The following ACOX3 variants were observed in gnomAD, a reference collection of about 807,000 sequenced individuals.
ACOX3 encodes the protein acyl-CoA oxidase 3, pristanoyl, also known as peroxisomal acyl-coenzyme A oxidase 3.
In ACOX3, 73 loss-of-function variants were observed where a neutral mutation model predicts 81.5. That is an observed-to-expected ratio of 0.90 (90% confidence interval 0.74 to 1.09). The LOEUF (loss-of-function observed/expected upper bound fraction) is 1.09. ACOX3 is among the 50% of genes least tolerant of loss of function. ACOX3 has a pLI of 0.00. For missense variants in ACOX3, 947 were observed against 928.0 expected (o/e 1.02, Z -0.27); for synonymous variants, 387 against 375.1 (o/e 1.03, Z -0.37).
rs188643823 is a variant in ACOX3 at position 8,385,153 on chromosome 4, C to T, written c.1538-3546G>A. ...ATTAAAGCCTAGCTCAAGGTCACAG[C>T]GGGGGGCAGTGCTGACCCAATAGCC... is the stretch of plus-strand genomic sequence containing the variant. On this transcript the variant is annotated intron_variant, in intron 13 of 17. Coordinates refer to ENST00000356406, the MANE Select transcript of ACOX3 (RefSeq NM_003501.3). The surrounding 1 kb of genome is among the most constrained non-coding windows in gnomAD (Gnocchi z 5.5). Among the ~76,000 whole-genome samples, 109 of 152,246 alleles carry T rather than the reference C, an allele frequency of 7.2e-4. No individual in the cohort carries two copies. Among genetic ancestry groups the T allele is most frequent in the African/African-American group, 1.9e-3 (81 of 41,544 alleles).
intron 14 of ACOX3, among the ~76,000 whole-genome samples, chr4:8,377,388 C>G (rs1717102625): frequency 6.6e-6 from 1 of 152,226 alleles, no homozygotes; most frequent in Admixed American, 6.5e-5. Context: ...GAAAGACAGC[C>G]CCTCCTGGAA....
intron 11 of ACOX3, among the ~76,000 whole-genome samples, chr4:8,391,859 C>T (rs368824101): frequency 6.6e-6 from 1 of 152,190 alleles, no homozygotes; most frequent in Non-Finnish European, 1.5e-5. Flanking sequence ...TCATCAATGC[C>T]GATATAACTA....
Position 8,416,324 on chromosome 4 carries a change from G to T in ACOX3, c.144+54C>A. ...GAGCCAGAAATCCCATTCTGCTAAC[G>T]AACTAAGACCCCACTGGGAAAAAAG... On this transcript the variant is annotated intron_variant, in intron 2 of 17. Coordinates refer to ENST00000356406, the MANE Select transcript of ACOX3 (RefSeq NM_003501.3). The surrounding 1 kb of genome is among the most constrained non-coding windows in gnomAD (Gnocchi z 4.2). 1 of 1,612,836 alleles carries T rather than the reference G, an allele frequency of 6.2e-7. No homozygotes were observed. Among genetic ancestry groups the T allele is most frequent in the South Asian group, 1.1e-5 (1 of 90,936 alleles).
intron 7 of ACOX3, among the ~76,000 whole-genome samples, chr4:8,404,338 G>A (rs1257502151): frequency 6.6e-6 from 1 of 152,112 alleles, no homozygotes; most frequent in Non-Finnish European, 1.5e-5. Flanking sequence ...ACATTAACTA[G>A]CAGGTTCCTT....
chr4:8,377,570 G>A (rs921802498), intron 14 of ACOX3, among the ~76,000 whole-genome samples: 4 of 152,214 alleles, frequency 2.6e-5, no homozygotes, highest in South Asian at 2.1e-4. Flanking sequence ...AAGCGCCTGC[G>A]ATGGCAGCTC....
At chr4:8,367,806 C>CAAAAAAAAAAAAA (rs535574857) in intron 17 of ACOX3, among the ~76,000 whole-genome samples, 6 of 46,712 alleles carry the variant, frequency 1.3e-4, no homozygotes, top group Non-Finnish European at 1.7e-4. Flanking sequence ...CCCATCTTTA[C>CAAAAAAAAAAAAA]AAAAAAAAAA....
rs767670299 is a variant in ACOX3, at chr4:8,423,438, C to T, written c.-14-6903G>A. Among the ~76,000 whole-genome samples the T allele has an allele frequency of 5.9e-5, 9 of 152,074 alleles. No individual in the cohort carries two copies. Among genetic ancestry groups the T allele is most frequent in the Admixed American group, 1.3e-4 (2 of 15,270 alleles). ...CCGTTCAAGTTAAACTAAAGGATTC[C>T]GCCTCCTTTCCCCACCAAAGGCAGT... is the stretch of plus-strand genomic sequence containing the variant. On this transcript the variant is annotated intron_variant, in intron 1 of 17. Coordinates refer to ENST00000356406, the MANE Select transcript of ACOX3 (RefSeq NM_003501.3). This position sits in a 1 kb window ranked among gnomAD's most constrained non-coding sequence, Gnocchi z 4.2.
At chr4:8,378,293 C>A (rs1019884951) in intron 14 of ACOX3, among the ~76,000 whole-genome samples, 6 of 152,228 alleles carry the variant, frequency 3.9e-5, no homozygotes, top group Admixed American at 6.5e-5. Context: ...CCGGCACGGG[C>A]GAGCTGGGGG....
Position 8,437,142 on chromosome 4 carries a change from A to G in ACOX3, c.-15+3506T>C, listed in dbSNP as rs1040388391. On this transcript the variant is annotated intron_variant, in intron 1 of 17. Coordinates refer to ENST00000356406, the MANE Select transcript of ACOX3 (RefSeq NM_003501.3). The surrounding 1 kb of genome is among the most constrained non-coding windows in gnomAD (Gnocchi z 5.2). ...AAAAATATATGTAAATATATATATA[A>G]ATATATATATAGTGAATACTTCGTT... 6.9e-6 allele frequency among the ~76,000 whole-genome samples: 1 copy of G among 145,882 alleles called. No homozygotes were observed. The highest frequency in any genetic ancestry group is 2.0e-4 in the East Asian group (1 of 5,096).
At position 8,410,276 on chromosome 4, in the gene ACOX3, AC is replaced by A; in HGVS notation, c.622del (p.Val208TrpfsTer35). 1 of 1,614,110 alleles carries A rather than the reference AC, an allele frequency of 6.2e-7. No individual in the cohort carries two copies. The part of the protein sequence containing the change: ...GNMGKTATHA[V>X]VFAKLCVPGD... ...TGGCACACACAGCTTAGCAAACACC[AC>A]CGCGTGAGTGGCTGTCTTGCCCATG... On this transcript the variant is annotated frameshift_variant, in exon 6 of 18. Transcript: ENST00000356406. LOFTEE classifies it high-confidence loss of function.
chr4:8,410,113 G>T, intron 6 of ACOX3, 99 bp downstream of exon 6: 3 of 1,444,226 alleles, frequency 2.1e-6, no homozygotes, highest in Non-Finnish European at 2.8e-6. Flanking sequence ...GATGCCAGAA[G>T]CATGCCCCAC....
In ACOX3 at chr4:8,394,646, C is replaced by T. The variant is rs1560182687; in HGVS notation, c.1153G>A (p.Ala385Thr). The T allele has an allele frequency of 1.2e-6, 2 of 1,613,794 alleles. No homozygotes were observed. The highest frequency in any genetic ancestry group is 1.7e-6 in the Non-Finnish European group (2 of 1,179,998). ...TGTCTGGCGCTGCGGTCTCCCGATGCAAGTCCTCGCTGGAGCTCCACCAGG... is the reference window on the plus strand; with the variant it reads ...TGTCTGGCGCTGCGGTCTCCCGATGTAAGTCCTCGCTGGAGCTCCACCAGG... Reference protein sequence around the residue: ...LDLVELQRGLASGDRSARQAE... With the variant: ...LDLVELQRGLTSGDRSARQAE... The change falls in exon 10 of 18, where the codon GCA becomes ACA. Residue 385 changes from alanine (A) to threonine (T), a missense_variant. Coordinates refer to ENST00000356406, the MANE Select transcript of ACOX3 (RefSeq NM_003501.3). This position sits in a 1 kb window ranked among gnomAD's most constrained non-coding sequence, Gnocchi z 5.9.
At chr4:8,372,900 A>G (rs556974880) in intron 16 of ACOX3, among the ~76,000 whole-genome samples, 1 of 152,318 alleles carries the variant, frequency 6.6e-6, no homozygotes, top group South Asian at 2.1e-4. Context: ...TGGCTCCTCA[A>G]AATCAGTGCA....
chr4:8,363,246 G>A (rs1243888427), downstream of ACOX3, among the ~76,000 whole-genome samples: 4 of 152,196 alleles, frequency 2.6e-5, no homozygotes, highest in African/African-American at 9.7e-5. Flanking sequence ...TTCATGGAAA[G>A]CCTTCTAATT....
At chr4:8,418,897 AAC>A (rs1263764556) in intron 1 of ACOX3, among the ~76,000 whole-genome samples, 1 of 152,186 alleles carries the variant, frequency 6.6e-6, no homozygotes, top group African/African-American at 2.4e-5. Flanking sequence ...CAACAACAAA[AAC>A]ACAGAAAAAT....
At chr4:8,388,917 G>A (rs756863903) in intron 13 of ACOX3, among the ~76,000 whole-genome samples, 7 of 152,170 alleles carry the variant, frequency 4.6e-5, no homozygotes, top group Non-Finnish European at 8.8e-5. Context: ...CCTATGGGAG[G>A]GAAAGGCAAG....
Position 8,406,363 on chromosome 4 carries a change from G to T in ACOX3, c.688-320C>A, listed in dbSNP as rs1720952625. Reference sequence around the variant, plus strand: ...GAGGAGTGGGTGTGGGGAAGAGGGGGCCATGTGGAGACGGAGGCACAGAGT... The same window carrying T: ...GAGGAGTGGGTGTGGGGAAGAGGGGTCCATGTGGAGACGGAGGCACAGAGT... On this transcript the variant is annotated intron_variant, in intron 6 of 17. Transcript: ENST00000356406. This position sits in a 1 kb window ranked among gnomAD's most constrained non-coding sequence, Gnocchi z 5.6. Among the ~76,000 whole-genome samples, 1 of 152,226 alleles carries T rather than the reference G, an allele frequency of 6.6e-6. No homozygotes were observed. The highest frequency in any genetic ancestry group is 2.4e-5 in the African/African-American group (1 of 41,448).
intron 14 of ACOX3, among the ~76,000 whole-genome samples, chr4:8,380,961 G>A (rs1384064417): frequency 1.3e-5 from 2 of 152,176 alleles, no homozygotes; most frequent in Non-Finnish European, 2.9e-5. Flanking sequence ...GGCATGACAA[G>A]GTGTTTTATA....
In ACOX3 at chr4:8,405,808, A is replaced by G. The variant is rs1255386455; in HGVS notation, c.776+147T>C. On this transcript the variant is annotated intron_variant, in intron 7 of 17. Coordinates refer to ENST00000356406, the MANE Select transcript of ACOX3 (RefSeq NM_003501.3). The surrounding 1 kb of genome is among the most constrained non-coding windows in gnomAD (Gnocchi z 7.1). ...CAAGCAGGACGTGGCCAGTGCATGC[A>G]CGGGGGCTAGGCGTAGGTCCCCACC... 1.1e-5 allele frequency: 9 copies of G among 814,484 alleles called. No homozygotes were observed. Among genetic ancestry groups the G allele is most frequent in the Non-Finnish European group, 1.6e-5 (8 of 487,482 alleles). 50.5% of individuals were successfully genotyped at this position (814,484 alleles called of 1,614,324 possible).
Sources: allele counts gnomAD v4.1 joint callset (sites outside exome capture counted in the v4.1 genomes callset), GRCh38; gene constraint gnomAD v4.1.1; non-coding constraint Gnocchi (gnomAD v3.1); transcripts MANE v1.5; gene names NCBI Gene and HGNC (gene_info 2026-07-23, HGNC 2026-07-21).